The following MRPL58 variants were observed in gnomAD, a reference collection of about 807,000 sequenced individuals.
The protein encoded by MRPL58 is mitochondrial ribosomal protein L58.
Under a neutral mutation model 26.0 loss-of-function variants are expected in MRPL58, and 17 were observed. That is an observed-to-expected ratio of 0.65 (90% CI 0.45 to 0.98). The LOEUF (loss-of-function observed/expected upper bound fraction) is 0.98. Among genes scored for constraint, MRPL58 ranks in the 50% least tolerant of loss-of-function variants. MRPL58 has a pLI of 0.00. For missense variants in MRPL58, 250 were observed against 269.0 expected, an observed-to-expected ratio of 0.93 and a Z score of 0.49; for synonymous variants, 100 against 99.7, an observed-to-expected ratio of 1.00 and a Z score of -0.02.
At chr17:75,014,474 T>TA (rs1330006372) in intron 1 of MRPL58, among the ~76,000 whole-genome samples, 1 of 128,900 alleles carries the variant, frequency 7.8e-6, no homozygotes, top group Non-Finnish European at 1.7e-5. Context: ...GACAGGGTCT[T>TA]ACTCTGTCAT....
intron 1 of MRPL58, among the ~76,000 whole-genome samples, chr17:75,014,951 A>C (rs759011793): frequency 6.6e-6 from 1 of 152,226 alleles, no homozygotes; most frequent in African/African-American, 2.4e-5. Context: ...TAATGGAAGG[A>C]GCAGACAGTA....
chr17:75,012,986 C>A, intron 1 of MRPL58, 114 bp downstream of exon 1: 5 of 970,800 alleles, frequency 5.2e-6, no homozygotes, highest in South Asian at 4.7e-5. Flanking sequence ...ACGTGATGGT[C>A]GCCGCGGGAG....
intron 2 of MRPL58, among the ~76,000 whole-genome samples, chr17:75,018,300 C>T (rs965474891): frequency 6.6e-5 from 10 of 151,274 alleles, no homozygotes; most frequent in Non-Finnish European, 1.5e-4. Context: ...GGCCCGATCT[C>T]GGCTCACTGC....
At chr17:75,019,620 A>T in intron 2 of MRPL58, 80 bp from the exon 3 acceptor site, 1 of 1,366,420 alleles carries the variant, frequency 7.3e-7, no homozygotes, top group Non-Finnish European at 1.0e-6. Context: ...TACCTTCCCT[A>T]CATTCCTCAG....
chr17:75,020,688 C>T, intron 5 of MRPL58, 31 bp downstream of exon 5: 1 of 1,606,830 alleles, frequency 6.2e-7, no homozygotes, highest in Non-Finnish European at 8.5e-7. Context: ...ATGCTATAAA[C>T]TGATTTGTGT....
At chr17:75,012,913 G>A (rs763360383) in intron 1 of MRPL58, 41 bp downstream of exon 1, 6 of 1,567,220 alleles carry the variant, frequency 3.8e-6, no homozygotes, top group Non-Finnish European at 5.2e-6. Flanking sequence ...GTTTTGTCAG[G>A]CTGCTGGGTG....
In MRPL58 at chr17:75,019,720, T is replaced by A. The variant is rs989525100; in HGVS notation, c.244T>A (p.Cys82Ser). 1 of 1,612,690 alleles carries A rather than the reference T, an allele frequency of 6.2e-7. No individual in the cohort carries two copies. Among genetic ancestry groups the A allele is most frequent in the African/African-American group, 1.3e-5 (1 of 74,924 alleles). Reference protein sequence around the residue: ...IPLDRLTISYCRSSGPGGQNV... With the variant: ...IPLDRLTISYSRSSGPGGQNV... ...TACAGATCGCTTGACAATATCTTATTGTCGGAGTAGTGGTCCTGGGGGGCA... is the reference window on the plus strand; with the variant it reads ...TACAGATCGCTTGACAATATCTTATAGTCGGAGTAGTGGTCCTGGGGGGCA... Residue 82 changes from cysteine to serine, a missense_variant, in exon 3 of 6, where the codon TGT becomes AGT. Coordinates refer to ENST00000301585, the MANE Select transcript of MRPL58 (RefSeq NM_001545.3).
intron 2 of MRPL58, among the ~76,000 whole-genome samples, chr17:75,018,233 C>CTTTTT (rs11381155): frequency 6.8e-6 from 1 of 146,862 alleles, no homozygotes; most frequent in Non-Finnish European, 1.5e-5. Context: ...TCTGAAATAT[C>CTTTTT]TTTTTTTTTT....
At position 75,018,880 on chromosome 17, in the gene MRPL58, C is replaced by T. The variant is rs952932181; in HGVS notation, c.224-820C>T. Among the ~76,000 whole-genome samples, 5 of 151,982 alleles carry T rather than the reference C, an allele frequency of 3.3e-5. No individual in the cohort carries two copies. In the South Asian group the frequency reaches 6.2e-4, roughly 19 times the overall value. ...CCTGTGGCCCTTGCTCAAGATGACT[C>T]AAACAGAGGCCAGATGACCACAACC... On this transcript the variant is annotated intron_variant, in intron 2 of 5. Coordinates refer to ENST00000301585, the MANE Select transcript of MRPL58 (RefSeq NM_001545.3).
Position 75,012,707 on chromosome 17 carries a change from G to T in MRPL58, c.21G>T (p.Leu7=), listed in dbSNP as rs374805112. The change falls in exon 1 of 6, where the codon CTG becomes CTT. Residue 7 remains leucine (L), a synonymous_variant. Transcript: ENST00000301585. Reference sequence around the variant, plus strand: ...TGAGCATGGCGGCCACCAGGTGCCTGCGCTGGGGCCTGAGCCGAGCCGGAG... The same window carrying T: ...TGAGCATGGCGGCCACCAGGTGCCTTCGCTGGGGCCTGAGCCGAGCCGGAG... MAATRC[L]RWGLSRAGVW... 8 of 1,563,064 alleles carry T rather than the reference G, an allele frequency of 5.1e-6. No individual in the cohort carries two copies. The highest frequency in any genetic ancestry group is 3.8e-5 in the Admixed American group (2 of 52,462).
At chr17:75,018,845 A>G (rs9890550) in intron 2 of MRPL58, among the ~76,000 whole-genome samples, 65,362 of 151,864 alleles carry the variant, frequency 0.43, 15,050 homozygotes, top group African/African-American at 0.6. Flanking sequence ...GCAGCCAAAG[A>G]TGCTGGCTCC....
chr17:75,016,735 G>A (rs2039977054), intron 1 of MRPL58, among the ~76,000 whole-genome samples: 1 of 152,234 alleles, frequency 6.6e-6, no homozygotes, highest in Non-Finnish European at 1.5e-5. Context: ...TGTTGCTCCA[G>A]GTTGACAGAG....
chr17:75,017,032 ACCC>A, intron 1 of MRPL58, 43 bp from the exon 2 acceptor site: 1 of 1,489,642 alleles, frequency 6.7e-7, no homozygotes, highest in Non-Finnish European at 9.4e-7. Context: ...GTTAGGAGTC[ACCC>A]AGCAGGTAAT....
In MRPL58 at chr17:75,017,902, C is replaced by T. The variant is rs558989987; in HGVS notation, c.223+788C>T. On this transcript the variant is annotated intron_variant, in intron 2 of 5. Transcript: ENST00000301585. ...TCGCACCACTGCACTCCAGCCTGGG[C>T]GACACAGCGAGACTCTGTCTCAGAC... 4.7e-4 allele frequency among the ~76,000 whole-genome samples: 70 copies of T among 150,406 alleles called. No individual in the cohort carries two copies. In the South Asian group the frequency reaches 4.9e-3, roughly 11 times the overall value.
In MRPL58 at chr17:75,021,120, A is replaced by G. The variant is rs762760061; in HGVS notation, c.*115A>G. On this transcript the variant is annotated 3_prime_UTR_variant, in exon 6 of 6. Coordinates refer to ENST00000301585, the MANE Select transcript of MRPL58 (RefSeq NM_001545.3). ...TCTTTTTGGCTGTTAATGCTTGTCTATAACATTGGAGCCATCACAAGAATG... is the reference window on the plus strand; with the variant it reads ...TCTTTTTGGCTGTTAATGCTTGTCTGTAACATTGGAGCCATCACAAGAATG... The G allele has an allele frequency of 1.4e-6, 1 of 696,986 alleles. No individual in the cohort carries two copies. The allele number at this position is 696,986 out of a possible 1,614,324, so 43.2% of individuals were successfully genotyped here.
intron 2 of MRPL58, 85 bp downstream of exon 2, chr17:75,017,199 G>C: frequency 9.6e-7 from 1 of 1,045,786 alleles, no homozygotes; most frequent in Non-Finnish European, 1.5e-6. Flanking sequence ...GCTGAGGCAG[G>C]AGAATCGCTT....
At chr17:75,015,669 A>T (rs2039967801) in intron 1 of MRPL58, among the ~76,000 whole-genome samples, 1 of 152,180 alleles carries the variant, frequency 6.6e-6, no homozygotes, top group South Asian at 2.1e-4. Context: ...AACAGAAGGA[A>T]CATGCTTCAG....
Position 75,012,680 on chromosome 17 carries a change from C to G in MRPL58, c.-7C>G. Reference sequence around the variant, plus strand: ...GCGCCCGCCGGAAGCAGTCGCAAGACCTGAGCATGGCGGCCACCAGGTGCC... The same window carrying G: ...GCGCCCGCCGGAAGCAGTCGCAAGAGCTGAGCATGGCGGCCACCAGGTGCC... On this transcript the variant is annotated 5_prime_UTR_variant, in exon 1 of 6. Coordinates refer to ENST00000301585, the MANE Select transcript of MRPL58 (RefSeq NM_001545.3). The G allele has an allele frequency of 6.5e-7, 1 of 1,541,670 alleles. No homozygotes were observed. The highest frequency in any genetic ancestry group is 1.4e-5 in the African/African-American group (1 of 71,968).
chr17:75,018,047 T>C (rs1339394598), intron 2 of MRPL58, among the ~76,000 whole-genome samples: 1 of 152,156 alleles, frequency 6.6e-6, no homozygotes, highest in Non-Finnish European at 1.5e-5. Flanking sequence ...GCAGCATTAT[T>C]TAGAATAGCA....
Sources: gnomAD v4.1 joint callset for allele counts (sites outside exome capture counted in the v4.1 genomes callset) on GRCh38, gnomAD v4.1.1 for gene constraint, MANE v1.5 for transcripts, NCBI Gene and HGNC (gene_info 2026-07-23, HGNC 2026-07-21) for gene names.